The following DPYD variants were observed in gnomAD, a reference collection of about 807,000 sequenced individuals.
DPYD encodes dihydropyrimidine dehydrogenase.
Under a neutral mutation model 116.2 loss-of-function variants are expected in DPYD, and 109 were observed. The observed-to-expected ratio is 0.94, with a 90% CI of 0.80 to 1.10. The LOEUF is 1.10. Among genes scored for constraint, DPYD ranks in the 50% least tolerant of loss-of-function variants. DPYD has a pLI of 0.00. For synonymous variants in DPYD, 440 were observed against 432.0 expected, an observed-to-expected ratio of 1.02 and a Z score of -0.23; for missense variants, 1,302 against 1,254.5, an observed-to-expected ratio of 1.04 and a Z score of -0.57.
At chr1:97,104,446 G>C (rs1388921709) in intron 20 of DPYD, among the ~76,000 whole-genome samples, 1 of 152,100 alleles carries the variant, frequency 6.6e-6, no homozygotes, top group African/African-American at 2.4e-5. Context: ...AGAAAGGATA[G>C]TGTGTGACCT....
chr1:97,409,268 G>A (rs562037085), intron 14 of DPYD, among the ~76,000 whole-genome samples: 7 of 152,118 alleles, frequency 4.6e-5, no homozygotes, highest in Non-Finnish European at 8.8e-5. Flanking sequence ...TTTATGAGAC[G>A]TAGCTCTTTG....
At chr1:97,294,134 A>T (rs1285062177) in intron 18 of DPYD, among the ~76,000 whole-genome samples, 2 of 152,160 alleles carry the variant, frequency 1.3e-5, no homozygotes, top group Non-Finnish European at 2.9e-5. Flanking sequence ...GTCAGTCATC[A>T]ACCGAATGTG....
intron 18 of DPYD, among the ~76,000 whole-genome samples, chr1:97,279,013 T>G (rs1166852346): frequency 2.0e-5 from 3 of 152,090 alleles, no homozygotes; most frequent in Non-Finnish European, 2.9e-5. Context: ...CTTAAAAAAA[T>G]TCAACTTTGA....
chr1:97,813,151 C>T (rs764817496), intron 3 of DPYD, among the ~76,000 whole-genome samples: 9 of 152,084 alleles, frequency 5.9e-5, no homozygotes, highest in Non-Finnish European at 1.0e-4. Flanking sequence ...TCCTCATATG[C>T]AATCATCTAC....
At chr1:97,745,118 G>C (rs749272514) in intron 3 of DPYD, among the ~76,000 whole-genome samples, 2 of 151,940 alleles carry the variant, frequency 1.3e-5, no homozygotes, top group Non-Finnish European at 2.9e-5. Flanking sequence ...TTCTGACTCT[G>C]CTTTTCTGAT....
intron 18 of DPYD, among the ~76,000 whole-genome samples, chr1:97,267,849 A>G (rs921712337): frequency 1.3e-5 from 2 of 152,064 alleles, no homozygotes; most frequent in African/African-American, 4.8e-5. Context: ...TGTTCATTCC[A>G]TCCCAATGGC....
intron 2 of DPYD, among the ~76,000 whole-genome samples, chr1:97,882,192 A>G (rs1672260264): frequency 6.6e-6 from 1 of 152,016 alleles, no homozygotes; most frequent in South Asian, 2.1e-4. Flanking sequence ...TAGAAAACAA[A>G]GCTCCCAAAA....
chr1:97,550,423 CTAATGAAT>C (rs1651231092), intron 11 of DPYD, among the ~76,000 whole-genome samples: 1 of 151,954 alleles, frequency 6.6e-6, no homozygotes, highest in Non-Finnish European at 1.5e-5. Flanking sequence ...ATGCTGCATT[CTAATGAAT>C]CTAAAAGAGT....
intron 4 of DPYD, among the ~76,000 whole-genome samples, chr1:97,734,558 T>C (rs1663816818): frequency 6.6e-6 from 1 of 152,276 alleles, no homozygotes; most frequent in South Asian, 2.1e-4. Context: ...TTTTTATCAG[T>C]TTAGACTATC....
chr1:97,581,122 G>A (rs1302636537), intron 10 of DPYD, among the ~76,000 whole-genome samples: 3 of 151,588 alleles, frequency 2.0e-5, no homozygotes, highest in African/African-American at 7.3e-5. Context: ...TGGCTAGCAC[G>A]GTGAAACCCT....
intron 10 of DPYD, among the ~76,000 whole-genome samples, chr1:97,585,446 A>G (rs547732630): frequency 3.3e-5 from 5 of 152,178 alleles, no homozygotes; most frequent in Non-Finnish European, 7.3e-5. Context: ...AGACTTTATG[A>G]TGACAGGGGG....
intron 12 of DPYD, among the ~76,000 whole-genome samples, chr1:97,535,187 C>T (rs1649905143): frequency 6.6e-6 from 1 of 152,034 alleles, no homozygotes; most frequent in Non-Finnish European, 1.5e-5. Flanking sequence ...TTGATCTGAT[C>T]CTTTACAGCT....
intron 3 of DPYD, among the ~76,000 whole-genome samples, chr1:97,812,975 C>T (rs1459892568): frequency 1.3e-5 from 2 of 151,970 alleles, no homozygotes; most frequent in Non-Finnish European, 2.9e-5. Flanking sequence ...AGATTATAAT[C>T]CCGAGTAAAT....
chr1:97,100,442 A>G (rs1160658262), intron 20 of DPYD, among the ~76,000 whole-genome samples: 1 of 152,010 alleles, frequency 6.6e-6, no homozygotes, highest in Non-Finnish European at 1.5e-5. Flanking sequence ...CTAATCTAAT[A>G]TACTCAAAGA....
intron 8 of DPYD, among the ~76,000 whole-genome samples, chr1:97,631,526 T>G (rs1450580278): frequency 1.3e-5 from 2 of 151,946 alleles, no homozygotes; most frequent in African/African-American, 4.8e-5. Flanking sequence ...ATGATTTATG[T>G]TGACAAAAGA....
intron 8 of DPYD, among the ~76,000 whole-genome samples, chr1:97,678,312 A>G (rs1660253766): frequency 6.6e-6 from 1 of 152,184 alleles, no homozygotes; most frequent in Admixed American, 6.5e-5. Flanking sequence ...TCGCTTGCCC[A>G]CTATTCACCT....
At chr1:97,887,305 A>C in intron 1 of DPYD, among the ~76,000 whole-genome samples, 1 of 151,366 alleles carries the variant, frequency 6.6e-6, no homozygotes, top group East Asian at 2.0e-4. Flanking sequence ...CCCCATCTCT[A>C]TAAAAAATAC....
rs535534476 is a variant in DPYD, at chr1:97,881,269, C to T, written c.150+1995G>A. 8.6e-5 allele frequency among the ~76,000 whole-genome samples: 13 copies of T among 152,022 alleles called. No individual in the cohort carries two copies. In the South Asian group the frequency reaches 1.7e-3, roughly 19 times the overall value. On this transcript the variant is annotated intron_variant, in intron 2 of 22. Transcript: ENST00000370192. Reference sequence around the variant, plus strand: ...TAGCCGATGTCCTTATTTGGACACACGCACACCCAAAGTGAAAAACTCAGG... The same window carrying T: ...TAGCCGATGTCCTTATTTGGACACATGCACACCCAAAGTGAAAAACTCAGG...
At chr1:97,166,738 C>T in intron 20 of DPYD, among the ~76,000 whole-genome samples, 1 of 152,170 alleles carries the variant, frequency 6.6e-6, no homozygotes, top group East Asian at 1.9e-4. Flanking sequence ...TTCCACACTT[C>T]CCCTTCTCTT....
Sources: allele counts gnomAD v4.1 joint callset (sites outside exome capture counted in the v4.1 genomes callset), GRCh38; gene constraint gnomAD v4.1.1; transcripts MANE v1.5; gene names NCBI Gene and HGNC (gene_info 2026-07-23, HGNC 2026-07-21).